Variants in CHST11 observed in about 807,000 individuals in gnomAD.
CHST11 encodes the protein carbohydrate sulfotransferase 11.
CHST11 carries 9 observed loss-of-function variants against 30.4 expected under a neutral mutation model. The observed-to-expected ratio is 0.30, with a 90% CI of 0.18 to 0.52. CHST11 has a LOEUF of 0.52. Ranked by LOEUF, CHST11 falls within the 20% of genes least tolerant of loss-of-function variation. The pLI, the probability that CHST11 is intolerant of heterozygous loss-of-function variation, is 0.97. For missense variants in CHST11, 348 were observed against 460.6 expected, an observed-to-expected ratio of 0.76 and a Z score of 2.24; for synonymous variants, 152 against 187.8, an observed-to-expected ratio of 0.81 and a Z score of 1.56.
chr12:104,513,430 C>A lies in CHST11; in HGVS notation c.118+55901C>A, dbSNP rs181898608. Among the ~76,000 whole-genome samples, 404 of 152,200 alleles carry A rather than the reference C, an allele frequency of 2.7e-3. 4 individuals carry two copies. Among genetic ancestry groups the A allele is most frequent in the African/African-American group, 9.2e-3 (380 of 41,518 alleles). ...GAGTGTCTTAATTACCATTCCAGAA[C>A]GTTTGTGAAATTAAGGTGGAAAAAA... is the stretch of plus-strand genomic sequence containing the variant. On this transcript the variant is annotated intron_variant, in intron 1 of 2. Coordinates refer to ENST00000303694, the MANE Select transcript of CHST11 (RefSeq NM_018413.6).
chr12:104,646,292 T>C (rs1371776189), intron 2 of CHST11, among the ~76,000 whole-genome samples: 1 of 152,176 alleles, frequency 6.6e-6, no homozygotes, highest in African/African-American at 2.4e-5. Context: ...GCAGTGTTCC[T>C]CCTCTCACCT....
chr12:104,701,941 T>A (rs1179137981), intron 2 of CHST11, among the ~76,000 whole-genome samples: 1 of 152,208 alleles, frequency 6.6e-6, no homozygotes, highest in East Asian at 1.9e-4. Flanking sequence ...CACCTTGGTT[T>A]GGGGTCAGGG....
intron 2 of CHST11, among the ~76,000 whole-genome samples, chr12:104,723,537 A>T (rs1249222511): frequency 1.3e-5 from 2 of 152,246 alleles, no homozygotes; most frequent in African/African-American, 4.8e-5. Context: ...AGCGAGAATG[A>T]AACCTCCATG....
chr12:104,542,095 G>T (rs2038292397), intron 1 of CHST11, among the ~76,000 whole-genome samples: 1 of 152,232 alleles, frequency 6.6e-6, no homozygotes, highest in Admixed American at 6.5e-5. Flanking sequence ...CCTCAATTGA[G>T]AAGAGTGAGG....
At chr12:104,570,855 T>A (rs530914728) in intron 1 of CHST11, among the ~76,000 whole-genome samples, 4 of 152,182 alleles carry the variant, frequency 2.6e-5, no homozygotes, top group African/African-American at 9.6e-5. Flanking sequence ...CACACCCGGC[T>A]ATTTTTTGTA....
At chr12:104,511,057 C>T (rs1030879264) in intron 1 of CHST11, among the ~76,000 whole-genome samples, 12 of 152,122 alleles carry the variant, frequency 7.9e-5, no homozygotes, top group Non-Finnish European at 1.8e-4. Context: ...GATAAATTTT[C>T]TAGACTTTGT....
intron 1 of CHST11, among the ~76,000 whole-genome samples, chr12:104,599,427 G>A (rs1048287621): frequency 2.0e-5 from 3 of 152,182 alleles, no homozygotes; most frequent in Non-Finnish European, 4.4e-5. Flanking sequence ...AATCTTGCCC[G>A]GCATGGGCAT....
At position 104,761,664 on chromosome 12, in the gene CHST11, C is replaced by T. The variant is rs2040527780; in HGVS notation, c.*3861C>T. Reference sequence around the variant, plus strand: ...GTTAGAACCCTACAGGCAACAAGGCCTTCTAGAATCCGCTTAACCCTTGGC... The same window carrying T: ...GTTAGAACCCTACAGGCAACAAGGCTTTCTAGAATCCGCTTAACCCTTGGC... On this transcript the variant is annotated 3_prime_UTR_variant, in exon 3 of 3. Transcript: ENST00000303694. The T allele has an allele frequency of 2.0e-5, 3 of 152,256 alleles. No homozygotes were observed. The highest frequency in any genetic ancestry group is 2.0e-4 in the Admixed American group (3 of 15,280). 9.4% of individuals were successfully genotyped at this position (152,256 alleles called of 1,614,324 possible).
chr12:104,516,110 G>A (rs12425079), intron 1 of CHST11, among the ~76,000 whole-genome samples: 6,523 of 152,230 alleles, frequency 0.043, 219 homozygotes, highest in Admixed American at 0.1. Flanking sequence ...TGACATTTAG[G>A]GCTGAACAAA....
chr12:104,651,392 T>G (rs1454164528), intron 2 of CHST11, among the ~76,000 whole-genome samples: 1 of 152,200 alleles, frequency 6.6e-6, no homozygotes, highest in Non-Finnish European at 1.5e-5. Flanking sequence ...GAACACCTAC[T>G]CTGTTGGAGG....
At chr12:104,651,545 C>T (rs977259908) in intron 2 of CHST11, among the ~76,000 whole-genome samples, 1 of 152,144 alleles carries the variant, frequency 6.6e-6, no homozygotes, top group African/African-American at 2.4e-5. Flanking sequence ...ACCTCTCTTG[C>T]TCAGCCTCTC....
At chr12:104,503,170 C>T (rs930823260) in intron 1 of CHST11, among the ~76,000 whole-genome samples, 18 of 152,228 alleles carry the variant, frequency 1.2e-4, no homozygotes, top group South Asian at 4.1e-4. Flanking sequence ...GGGTGGTGCG[C>T]GACATTGCCT....
chr12:104,529,439 G>A (rs925691274), intron 1 of CHST11, among the ~76,000 whole-genome samples: 1 of 152,194 alleles, frequency 6.6e-6, no homozygotes. Context: ...TGTAAAGTAT[G>A]TAGCCCAGTA....
intron 1 of CHST11, among the ~76,000 whole-genome samples, chr12:104,543,495 T>C (rs2038304998): frequency 6.6e-6 from 1 of 152,372 alleles, no homozygotes; most frequent in East Asian, 1.9e-4. Context: ...TGGTCTCTTC[T>C]AGCTTTTTAT....
chr12:104,530,753 C>T (rs987036254), intron 1 of CHST11, among the ~76,000 whole-genome samples: 1 of 152,236 alleles, frequency 6.6e-6, no homozygotes, highest in African/African-American at 2.4e-5. Flanking sequence ...ATCCAGCCTC[C>T]TGACTCACCT....
intron 2 of CHST11, among the ~76,000 whole-genome samples, chr12:104,647,663 A>G (rs1461650507): frequency 6.6e-6 from 1 of 152,132 alleles, no homozygotes; most frequent in Admixed American, 6.5e-5. Flanking sequence ...CCATATATAT[A>G]TGTTATCTAT....
At chr12:104,675,509 T>C (rs1184364757) in intron 2 of CHST11, among the ~76,000 whole-genome samples, 1 of 152,198 alleles carries the variant, frequency 6.6e-6, no homozygotes, top group Non-Finnish European at 1.5e-5. Context: ...CAGGATCCAA[T>C]TAACTGAGGC....
At chr12:104,533,757 G>A (rs2038208646) in intron 1 of CHST11, among the ~76,000 whole-genome samples, 1 of 152,230 alleles carries the variant, frequency 6.6e-6, no homozygotes, top group Admixed American at 6.5e-5. Flanking sequence ...CGTAGGAGCT[G>A]GTTGCAAGTG....
intron 1 of CHST11, among the ~76,000 whole-genome samples, chr12:104,559,061 G>A (rs1002940948): frequency 2.6e-5 from 4 of 151,704 alleles, no homozygotes; most frequent in Non-Finnish European, 5.9e-5. Flanking sequence ...TGTTCCCACC[G>A]AGAGGGAGGA....
Sources: gnomAD v4.1 joint callset for allele counts (sites outside exome capture counted in the v4.1 genomes callset) on GRCh38, gnomAD v4.1.1 for gene constraint, MANE v1.5 for transcripts, NCBI Gene and HGNC (gene_info 2026-07-23, HGNC 2026-07-21) for gene names.